Variants in DYNC1I1 observed in about 807,000 individuals in gnomAD.
The protein encoded by DYNC1I1 is dynein cytoplasmic 1 intermediate chain 1, also known as cytoplasmic dynein 1 intermediate chain 1.
DYNC1I1 carries 43 observed loss-of-function variants against 86.6 expected under a neutral mutation model. That is an observed-to-expected ratio of 0.50 (90% CI 0.39 to 0.64). The LOEUF is 0.64. Ranked by LOEUF, DYNC1I1 falls within the 30% of genes least tolerant of loss-of-function variation. The probability of loss-of-function intolerance (pLI) is 0.00; values close to 1 mark genes in which losing one functional copy is unlikely to be tolerated. For synonymous variants in DYNC1I1, 262 were observed against 283.7 expected, an observed-to-expected ratio of 0.92 and a Z score of 0.77; for missense variants, 604 against 788.8, an observed-to-expected ratio of 0.77 and a Z score of 2.81.
chr7:96,103,824 G>T (rs1191452611), intron 16 of DYNC1I1, among the ~76,000 whole-genome samples: 1 of 152,110 alleles, frequency 6.6e-6, no homozygotes, highest in African/African-American at 2.4e-5. Flanking sequence ...GTGTTAGCAA[G>T]GATGGTCTGG....
intron 6 of DYNC1I1, among the ~76,000 whole-genome samples, chr7:95,941,943 T>A (rs1285201212): frequency 6.6e-6 from 1 of 152,124 alleles, no homozygotes; most frequent in Non-Finnish European, 1.5e-5. Flanking sequence ...TCGGCCATCT[T>A]GGCTCACAAT....
chr7:95,903,409 G>A (rs1791091430), intron 6 of DYNC1I1, among the ~76,000 whole-genome samples: 1 of 152,142 alleles, frequency 6.6e-6, no homozygotes. Flanking sequence ...CCAACAGGGA[G>A]CAGCAAGGCT....
intron 7 of DYNC1I1, among the ~76,000 whole-genome samples, chr7:95,982,037 T>TA (rs1373938757): frequency 6.6e-6 from 1 of 152,188 alleles, no homozygotes; most frequent in Non-Finnish European, 1.5e-5. Context: ...GAGAGGTTTT[T>TA]ATCTCTGAAT....
At chr7:95,848,688 T>C (rs1789498952) in intron 5 of DYNC1I1, among the ~76,000 whole-genome samples, 1 of 152,128 alleles carries the variant, frequency 6.6e-6, no homozygotes, top group Non-Finnish European at 1.5e-5. Flanking sequence ...GCAGTGAACA[T>C]GGGGGTACAA....
intron 2 of DYNC1I1, among the ~76,000 whole-genome samples, chr7:95,805,677 G>T (rs916472716): frequency 6.6e-6 from 1 of 151,980 alleles, no homozygotes; most frequent in Non-Finnish European, 1.5e-5. Context: ...CTAATTTGTC[G>T]TGGCAGTGTA....
intron 5 of DYNC1I1, among the ~76,000 whole-genome samples, chr7:95,861,198 G>A (rs1424792409): frequency 6.6e-6 from 1 of 152,052 alleles, no homozygotes; most frequent in East Asian, 1.9e-4. Flanking sequence ...TCTAACCGAT[G>A]TACCATCAGC....
At chr7:95,811,366 T>A (rs866228714) in intron 3 of DYNC1I1, among the ~76,000 whole-genome samples, 3 of 152,130 alleles carry the variant, frequency 2.0e-5, no homozygotes, top group Non-Finnish European at 4.4e-5. Context: ...AGTATTCAGA[T>A]CTTTTGTTTA....
intron 6 of DYNC1I1, among the ~76,000 whole-genome samples, chr7:95,916,802 C>T (rs1791481708): frequency 6.6e-6 from 1 of 152,200 alleles, no homozygotes; most frequent in African/African-American, 2.4e-5. Context: ...TAGAAAACTG[C>T]TCACAGCCTG....
chr7:95,820,018 T>C (rs1309151194), intron 4 of DYNC1I1, among the ~76,000 whole-genome samples: 1 of 152,222 alleles, frequency 6.6e-6, no homozygotes, highest in Non-Finnish European at 1.5e-5. Context: ...TGGGAAGTCC[T>C]ACATTTCTTA....
At chr7:95,871,436 A>G (rs930487646) in intron 6 of DYNC1I1, among the ~76,000 whole-genome samples, 1 of 152,226 alleles carries the variant, frequency 6.6e-6, no homozygotes, top group East Asian at 1.9e-4. Context: ...GGGCCTCCAG[A>G]CAAGAACAGG....
At chr7:95,888,915 A>T (rs548603450) in intron 6 of DYNC1I1, among the ~76,000 whole-genome samples, 5 of 152,318 alleles carry the variant, frequency 3.3e-5, no homozygotes, top group African/African-American at 1.2e-4. Flanking sequence ...AATTTTGGTA[A>T]TTCTGAAGTA....
intron 6 of DYNC1I1, among the ~76,000 whole-genome samples, chr7:95,928,704 G>A (rs1317161437): frequency 8.5e-5 from 13 of 152,158 alleles, no homozygotes; most frequent in Admixed American, 7.2e-4. Flanking sequence ...GCTTTTAAAA[G>A]ACTTTTTACT....
intron 10 of DYNC1I1, among the ~76,000 whole-genome samples, chr7:96,013,480 A>T (rs190965176): frequency 2.0e-4 from 31 of 151,866 alleles, no homozygotes; most frequent in African/African-American, 6.3e-4. Context: ...TTTGTTTGAG[A>T]CAGGGTCTTA....
chr7:95,859,656 A>G (rs1003702850), intron 5 of DYNC1I1, among the ~76,000 whole-genome samples: 6 of 152,192 alleles, frequency 3.9e-5, no homozygotes, highest in African/African-American at 9.6e-5. Context: ...ATCTCCTGCC[A>G]CTGAGAGCTG....
At chr7:95,882,735 G>A (rs888436893) in intron 6 of DYNC1I1, among the ~76,000 whole-genome samples, 7 of 152,142 alleles carry the variant, frequency 4.6e-5, no homozygotes, top group African/African-American at 1.7e-4. Flanking sequence ...GAGGTACAGC[G>A]AAATTTGAAG....
chr7:95,812,142 C>T (rs770627583), intron 3 of DYNC1I1, among the ~76,000 whole-genome samples: 2 of 152,240 alleles, frequency 1.3e-5, no homozygotes, highest in South Asian at 2.1e-4. Flanking sequence ...CCTAGCTTCT[C>T]GACAGATCTG....
At chr7:96,077,852 A>G (rs1328221445) in intron 15 of DYNC1I1, among the ~76,000 whole-genome samples, 2 of 152,130 alleles carry the variant, frequency 1.3e-5, no homozygotes, top group Admixed American at 1.3e-4. Flanking sequence ...TGATAAATAT[A>G]ATTTTTTCCC....
intron 4 of DYNC1I1, among the ~76,000 whole-genome samples, chr7:95,823,640 C>T (rs1795130925): frequency 6.6e-6 from 1 of 151,984 alleles, no homozygotes; most frequent in African/African-American, 2.4e-5. Context: ...CATAGTTAAA[C>T]ATTCAGCATC....
At chr7:95,845,135 A>G (rs1423722520) in intron 5 of DYNC1I1, among the ~76,000 whole-genome samples, 1 of 152,152 alleles carries the variant, frequency 6.6e-6, no homozygotes, top group East Asian at 1.9e-4. Flanking sequence ...AGGTGGTTTC[A>G]CTAGTAGGTG....
Sources: gnomAD v4.1 joint callset for allele counts (sites outside exome capture counted in the v4.1 genomes callset) on GRCh38, gnomAD v4.1.1 for gene constraint, MANE v1.5 for transcripts, NCBI Gene and HGNC (gene_info 2026-07-23, HGNC 2026-07-21) for gene names.